Variants in PCSK2 observed in about 807,000 individuals in gnomAD.
PCSK2 encodes the protein neuroendocrine convertase 2.
Under a neutral mutation model 69.7 loss-of-function variants are expected in PCSK2, and 14 were observed. The observed-to-expected ratio is 0.20, with a 90% CI of 0.13 to 0.31. The LOEUF (loss-of-function observed/expected upper bound fraction) is 0.31, where lower values mean the gene tolerates loss of function less well. PCSK2 is among the 10% of genes least tolerant of loss of function. The pLI is 1.00. For synonymous variants in PCSK2, 307 were observed against 320.7 expected, an observed-to-expected ratio of 0.96 and a Z score of 0.46; for missense variants, 544 against 842.5, an observed-to-expected ratio of 0.65 and a Z score of 4.39.
intron 2 of PCSK2, among the ~76,000 whole-genome samples, chr20:17,286,340 A>C (rs1988509148): frequency 6.6e-6 from 1 of 152,258 alleles, no homozygotes; most frequent in African/African-American, 2.4e-5. Flanking sequence ...AAGGTTAATC[A>C]AATGCTAATG....
At chr20:17,348,093 A>G (rs1568612776) in intron 2 of PCSK2, among the ~76,000 whole-genome samples, 2 of 148,594 alleles carry the variant, frequency 1.3e-5, no homozygotes, top group African/African-American at 4.9e-5. Flanking sequence ...GAAAGAAAGA[A>G]AGAAAGAAAG....
intron 11 of PCSK2, among the ~76,000 whole-genome samples, chr20:17,466,758 A>C (rs1355665082): frequency 6.6e-6 from 1 of 152,188 alleles, no homozygotes; most frequent in Non-Finnish European, 1.5e-5. Flanking sequence ...CTACCACTGA[A>C]TCAAGAGATG....
chr20:17,353,541 A>G (rs2030080845), intron 2 of PCSK2, among the ~76,000 whole-genome samples: 1 of 152,064 alleles, frequency 6.6e-6, no homozygotes, highest in Non-Finnish European at 1.5e-5. Context: ...TACGCTGTTG[A>G]TGAGAAAGTA....
intron 2 of PCSK2, among the ~76,000 whole-genome samples, chr20:17,291,605 T>G (rs533702510): frequency 1.3e-5 from 2 of 152,178 alleles, no homozygotes; most frequent in South Asian, 4.1e-4. Context: ...GTAATTTTGA[T>G]GGATGCTACC....
At chr20:17,337,220 C>G (rs1485813763) in intron 2 of PCSK2, among the ~76,000 whole-genome samples, 1 of 152,146 alleles carries the variant, frequency 6.6e-6, no homozygotes, top group African/African-American at 2.4e-5. Context: ...GGATACAGTC[C>G]CAGAGAACTT....
At chr20:17,474,158 C>T (rs371641067) in intron 11 of PCSK2, among the ~76,000 whole-genome samples, 6 of 152,320 alleles carry the variant, frequency 3.9e-5, no homozygotes, top group African/African-American at 1.4e-4. Flanking sequence ...TGCACCACCC[C>T]AGCTACTGTG....
intron 2 of PCSK2, among the ~76,000 whole-genome samples, chr20:17,338,174 G>GGC (rs1555789319): frequency 3.5e-5 from 5 of 144,434 alleles, no homozygotes; most frequent in Non-Finnish European, 7.6e-5. Context: ...TTTTTTTTGG[G>GGC]GGGGGGGGTT....
intron 5 of PCSK2, among the ~76,000 whole-genome samples, chr20:17,392,371 G>C (rs78983444): frequency 6.6e-6 from 1 of 152,158 alleles, no homozygotes; most frequent in Admixed American, 6.5e-5. Flanking sequence ...TTCCAAAGCA[G>C]TGATTAGAAA....
intron 5 of PCSK2, among the ~76,000 whole-genome samples, chr20:17,378,775 A>G (rs1323789442): frequency 2.0e-5 from 3 of 152,206 alleles, no homozygotes; most frequent in Non-Finnish European, 4.4e-5. Flanking sequence ...TCCATTTATC[A>G]CTAAACACAC....
chr20:17,413,710 C>A (rs529478612), intron 6 of PCSK2, among the ~76,000 whole-genome samples: 1 of 152,286 alleles, frequency 6.6e-6, no homozygotes, highest in African/African-American at 2.4e-5. Context: ...ATTCTCCACC[C>A]CAAATCAACA....
intron 2 of PCSK2, among the ~76,000 whole-genome samples, chr20:17,318,970 T>C (rs1454647224): frequency 6.6e-6 from 1 of 152,240 alleles, no homozygotes; most frequent in Non-Finnish European, 1.5e-5. Flanking sequence ...TTATGTGTAA[T>C]GCTCATTTCT....
intron 1 of PCSK2, among the ~76,000 whole-genome samples, chr20:17,234,628 T>C (rs1427606396): frequency 6.6e-6 from 1 of 152,170 alleles, no homozygotes; most frequent in Admixed American, 6.5e-5. Context: ...TACAACCTGA[T>C]CAAAATCCAA....
intron 11 of PCSK2, among the ~76,000 whole-genome samples, chr20:17,472,209 T>C (rs2123412817): frequency 6.6e-6 from 1 of 152,328 alleles, no homozygotes; most frequent in African/African-American, 2.4e-5. Context: ...GACTGTTCAC[T>C]GAGCTCCTTT....
At chr20:17,420,092 T>G (rs1359305753) in intron 6 of PCSK2, among the ~76,000 whole-genome samples, 2 of 152,192 alleles carry the variant, frequency 1.3e-5, no homozygotes, top group East Asian at 3.8e-4. Context: ...ATAGCATTAG[T>G]TAAACCTTCA....
intron 8 of PCSK2, among the ~76,000 whole-genome samples, chr20:17,438,124 G>A: frequency 6.6e-6 from 1 of 152,194 alleles, no homozygotes; most frequent in Non-Finnish European, 1.5e-5. Context: ...GAGATTTTGT[G>A]TGTGGCTTTT....
intron 1 of PCSK2, among the ~76,000 whole-genome samples, chr20:17,250,584 AT>A (rs1986937400): frequency 6.6e-6 from 1 of 152,178 alleles, no homozygotes. Context: ...CACAATTACT[AT>A]TATTATGACA....
chr20:17,400,909 C>A (rs193162165), intron 5 of PCSK2, among the ~76,000 whole-genome samples: 1 of 152,298 alleles, frequency 6.6e-6, no homozygotes, highest in African/African-American at 2.4e-5. Flanking sequence ...AACTCATCCC[C>A]AGTGTTGGAG....
intron 11 of PCSK2, among the ~76,000 whole-genome samples, chr20:17,467,265 C>T (rs1303745389): frequency 6.6e-6 from 1 of 152,230 alleles, no homozygotes; most frequent in African/African-American, 2.4e-5. Flanking sequence ...CCTTTGACAG[C>T]ATGGTGACGT....
chr20:17,419,802 A>T (rs544070991), intron 6 of PCSK2, among the ~76,000 whole-genome samples: 1 of 152,256 alleles, frequency 6.6e-6, no homozygotes, highest in African/African-American at 2.4e-5. Flanking sequence ...TGTCCATAAA[A>T]ATCTCTCTTG....
Sources: allele counts gnomAD v4.1 joint callset (sites outside exome capture counted in the v4.1 genomes callset), GRCh38; gene constraint gnomAD v4.1.1; transcripts MANE v1.5; gene names NCBI Gene and HGNC (gene_info 2026-07-23, HGNC 2026-07-21).